The following VBP1 variants were observed in gnomAD, a reference collection of about 807,000 sequenced individuals.
VBP1 encodes prefoldin subunit 3.
Under a neutral mutation model 15.5 loss-of-function variants are expected in VBP1, and 4 were observed. The observed-to-expected ratio is 0.26, with a 90% CI of 0.13 to 0.59. VBP1 has a LOEUF of 0.59. VBP1 is among the 20% of genes least tolerant of loss of function. The pLI is 0.90. For missense variants in VBP1, 108 were observed against 139.6 expected, an observed-to-expected ratio of 0.77 and a Z score of 1.14; for synonymous variants, 61 against 52.1, an observed-to-expected ratio of 1.17 and a Z score of -0.74.
intron 4 of VBP1, among the ~76,000 whole-genome samples, chrX:155,229,836 T>A (rs1379787475): frequency 8.9e-6 from 1 of 112,098 alleles, no homozygotes; most frequent in Non-Finnish European, 1.9e-5. Context: ...CAAAAATCTT[T>A]GAGTCTTCTT....
chrX:155,227,629 G>C (rs1340504405), intron 3 of VBP1, among the ~76,000 whole-genome samples: 3 of 112,366 alleles, frequency 2.7e-5, no homozygotes, highest in African/African-American at 9.7e-5. Context: ...TTTTTTCTTT[G>C]TTGTTGTCTT....
chrX:155,226,935 A>G (rs1432009307), intron 2 of VBP1, among the ~76,000 whole-genome samples: 1 of 111,483 alleles, frequency 9.0e-6, no homozygotes, highest in African/African-American at 3.2e-5. Context: ...TCTTCATGGA[A>G]TGGGCATTCC....
At chrX:155,200,632 C>G (rs1363424758) in intron 1 of VBP1, among the ~76,000 whole-genome samples, 4 of 105,993 alleles carry the variant, frequency 3.8e-5, no homozygotes, top group African/African-American at 1.4e-4. Context: ...AAATTTATAG[C>G]ACTAAATGCC....
At chrX:155,236,125 A>C in intron 4 of VBP1, 104 bp from the exon 5 acceptor site, 1 of 917,739 alleles carries the variant, frequency 1.1e-6, no homozygotes, top group South Asian at 2.9e-5. Flanking sequence ...AACAAAAGGC[A>C]GCAAGCTGGA....
At chrX:155,216,910 A>G (rs1314612524) in intron 1 of VBP1, among the ~76,000 whole-genome samples, 1 of 111,885 alleles carries the variant, frequency 8.9e-6, no homozygotes, top group African/African-American at 3.3e-5. Flanking sequence ...GGAAAAGGGG[A>G]GGTGGTGAGG....
chrX:155,197,748 A>C (rs1456129947), intron 1 of VBP1, among the ~76,000 whole-genome samples: 1 of 112,080 alleles, frequency 8.9e-6, no homozygotes, highest in African/African-American at 3.2e-5. Flanking sequence ...GGAGTGCCAG[A>C]CAGTGGGCAC....
intron 2 of VBP1, among the ~76,000 whole-genome samples, chrX:155,226,450 A>G (rs965922362): frequency 2.2e-4 from 25 of 112,070 alleles, no homozygotes; most frequent in African/African-American, 8.1e-4. Context: ...TCAGTGATCC[A>G]TTTATAATTT....
chrX:155,236,334 T>A lies in VBP1; in HGVS notation c.490T>A (p.Phe164Ile). Residue 164 changes from phenylalanine (F) to isoleucine (I), a missense_variant, in exon 5 of 6, where the codon TTT becomes ATT. Physicochemically the swap from Phe to Ile is conservative, Grantham distance 21. Coordinates refer to ENST00000286428, the MANE Select transcript of VBP1 (RefSeq NM_003372.7). ...TGATTCCCTGGAGGAAGACCTTGAC[T>A]TTCTTCGAGATCAATTTACTACCAC... is the stretch of plus-strand genomic sequence containing the variant. ...NLDSLEEDLD[F>I]LRDQFTTTEV... 1 of 1,210,472 alleles carries A rather than the reference T, an allele frequency of 8.3e-7. No homozygotes were observed. The highest frequency in any genetic ancestry group is 1.8e-5 in the South Asian group (1 of 56,710).
At chrX:155,215,610 C>G (rs1557308933), upstream of VBP1, among the ~76,000 whole-genome samples, 2 of 112,427 alleles carry the variant, frequency 1.8e-5, no homozygotes, top group African/African-American at 6.5e-5. Flanking sequence ...GTGATTGCCT[C>G]TGAGAAGAGA....
At chrX:155,208,145 G>T (rs1445697918) in intron 1 of VBP1, among the ~76,000 whole-genome samples, 1 of 111,925 alleles carries the variant, frequency 8.9e-6, no homozygotes, top group Admixed American at 9.5e-5. Context: ...AGTCAATGAG[G>T]GTCCATTTAA....
chrX:155,203,076 G>C (rs1337812045), intron 1 of VBP1, among the ~76,000 whole-genome samples: 15 of 112,059 alleles, frequency 1.3e-4, no homozygotes, highest in African/African-American at 4.5e-4. Flanking sequence ...TCTCACACCA[G>C]TTAGAATGGC....
At chrX:155,199,153 G>C (rs1282343492) in intron 1 of VBP1, among the ~76,000 whole-genome samples, 2 of 111,559 alleles carry the variant, frequency 1.8e-5, no homozygotes, top group African/African-American at 6.5e-5. Flanking sequence ...GAAAGTGACG[G>C]GGAGAATGGA....
At chrX:155,198,979 T>C (rs3964330) in intron 1 of VBP1, among the ~76,000 whole-genome samples, 1 of 111,552 alleles carries the variant, frequency 9.0e-6, no homozygotes, top group African/African-American at 3.3e-5. Context: ...CCTCAGGAGC[T>C]GATGCGATCA....
chrX:155,221,979 A>G (rs1391042366), intron 2 of VBP1, among the ~76,000 whole-genome samples: 1 of 112,664 alleles, frequency 8.9e-6, no homozygotes, highest in Non-Finnish European at 1.9e-5. Flanking sequence ...ATGCACAGGA[A>G]TATCTGGAGA....
At chrX:155,223,116 GTTTT>G (rs781808891) in intron 2 of VBP1, among the ~76,000 whole-genome samples, 1 of 64,362 alleles carries the variant, frequency 1.6e-5, no homozygotes, top group Non-Finnish European at 3.0e-5. Context: ...TAGCCTTTTT[GTTTT>G]TTTTTTTTTT....
At chrX:155,236,401 A>C in intron 5 of VBP1, 34 bp downstream of exon 5, 1 of 1,178,081 alleles carries the variant, frequency 8.5e-7, no homozygotes, top group Non-Finnish European at 1.1e-6. Context: ...CAAGGGAAAA[A>C]AGGAGAAAGA....
intron 1 of VBP1, among the ~76,000 whole-genome samples, 184 bp downstream of exon 1, chrX:155,216,759 G>A (rs966518474): frequency 1.1e-4 from 12 of 112,120 alleles, no homozygotes; most frequent in African/African-American, 3.9e-4. Context: ...CCGCCCGGAA[G>A]AAACGTAGCT....
chrX:155,211,571 A>T (rs1294891735), upstream of VBP1, among the ~76,000 whole-genome samples: 1 of 112,053 alleles, frequency 8.9e-6, no homozygotes, highest in African/African-American at 3.2e-5. Context: ...TCAAGTTGAA[A>T]AGAGTTGGTC....
intron 4 of VBP1, among the ~76,000 whole-genome samples, chrX:155,230,656 A>G (rs991566023): frequency 5.5e-5 from 6 of 109,776 alleles, no homozygotes; most frequent in South Asian, 3.9e-4. Context: ...ACAAGTTCCT[A>G]TACATCCTGG....
Sources: allele counts gnomAD v4.1 joint callset (sites outside exome capture counted in the v4.1 genomes callset), GRCh38; gene constraint gnomAD v4.1.1; transcripts MANE v1.5; gene names NCBI Gene and HGNC (gene_info 2026-07-23, HGNC 2026-07-21).